DOCK3: variants seen among roughly 807,000 people sequenced by gnomAD.
DOCK3 encodes the protein dedicator of cytokinesis 3.
DOCK3 carries 60 observed loss-of-function variants against 265.6 expected under a neutral mutation model. That is an observed-to-expected ratio of 0.23 (90% CI 0.18 to 0.28). The LOEUF (loss-of-function observed/expected upper bound fraction) is 0.28, where lower values mean the gene tolerates loss of function less well. Among genes scored for constraint, DOCK3 ranks in the 10% least tolerant of loss-of-function variants. The probability of loss-of-function intolerance (pLI) is 1.00; values close to 1 mark genes in which losing one functional copy is unlikely to be tolerated. For missense variants in DOCK3, 1,981 were observed against 2,594.3 expected (o/e 0.76, Z 5.14); for synonymous variants, 881 against 938.0 (o/e 0.94, Z 1.11).
chr3:51,186,394 GCATT>G (rs2087605589), intron 12 of DOCK3, among the ~76,000 whole-genome samples: 1 of 152,146 alleles, frequency 6.6e-6, no homozygotes, highest in South Asian at 2.1e-4. Flanking sequence ...GCTGTTAAAG[GCATT>G]CAGTTTTATA....
At chr3:51,189,356 A>G (rs1576357878) in intron 12 of DOCK3, among the ~76,000 whole-genome samples, 1 of 152,122 alleles carries the variant, frequency 6.6e-6, no homozygotes, top group Non-Finnish European at 1.5e-5. Context: ...TTGTGCACCC[A>G]TCACCCGAGT....
chr3:50,925,824 C>CTTTTTTTTTTTTTTTT lies in DOCK3; in HGVS notation c.219-8148_219-8133dup, dbSNP rs368819970. Among the ~76,000 whole-genome samples, 29 of 88,426 alleles carry CTTTTTTTTTTTTTTTT rather than the reference C, an allele frequency of 3.3e-4. 1 individual carries two copies. The highest frequency in any genetic ancestry group is 1.5e-3 in the African/African-American group (29 of 19,402). The allele number at this position is 88,426 out of a possible 152,430, so 58.0% of individuals were successfully genotyped here. ...TCAGCAGCTACTAGGTAAAACTAGT[C>CTTTTTTTTTTTTTTTT]TTTTTTTTTTTTTTTTTTTTTTTTG... On this transcript the variant is annotated intron_variant, in intron 4 of 52. Coordinates refer to ENST00000266037, the MANE Select transcript of DOCK3 (RefSeq NM_004947.5).
At chr3:50,722,769 G>GTTTTTTTTTTT (rs58505050) in intron 1 of DOCK3, among the ~76,000 whole-genome samples, 1 of 135,110 alleles carries the variant, frequency 7.4e-6, no homozygotes. Context: ...TCTTTTTCTT[G>GTTTTTTTTTTT]TTTTTTTTTT....
At chr3:51,084,137 A>G (rs1401809135) in intron 7 of DOCK3, among the ~76,000 whole-genome samples, 1 of 152,138 alleles carries the variant, frequency 6.6e-6, no homozygotes. Flanking sequence ...TTTCACAAGG[A>G]GAAGGCATGG....
chr3:50,686,780 G>A (rs1409124870), intron 1 of DOCK3, among the ~76,000 whole-genome samples: 3 of 147,926 alleles, frequency 2.0e-5, no homozygotes, highest in African/African-American at 7.5e-5. Context: ...GTGGTGGCAC[G>A]CACCTATAAT....
chr3:50,744,346 C>CA (rs1447296802), intron 1 of DOCK3, among the ~76,000 whole-genome samples: 1 of 151,898 alleles, frequency 6.6e-6, no homozygotes, highest in Admixed American at 6.6e-5. Context: ...ATTTCCAAAT[C>CA]TGATGTCATG....
chr3:50,734,725 C>T (rs1195468508), intron 1 of DOCK3, among the ~76,000 whole-genome samples: 1 of 149,674 alleles, frequency 6.7e-6, no homozygotes, highest in Non-Finnish European at 1.5e-5. Context: ...GTGTCAGCCT[C>T]CCAAGTAGCT....
At chr3:51,208,981 C>T in intron 13 of DOCK3, 119 bp downstream of exon 13, 1 of 822,318 alleles carries the variant, frequency 1.2e-6, no homozygotes, top group East Asian at 2.7e-5. Flanking sequence ...TATTCTCCTG[C>T]CGAGGCATTT....
At chr3:50,737,166 G>C (rs1297588729) in intron 1 of DOCK3, among the ~76,000 whole-genome samples, 4 of 152,126 alleles carry the variant, frequency 2.6e-5, no homozygotes, top group Non-Finnish European at 5.9e-5. Flanking sequence ...TATTCACTCT[G>C]ATGGTAGTTT....
chr3:51,315,201 C>T, intron 32 of DOCK3, 73 bp downstream of exon 32: 1 of 1,467,408 alleles, frequency 6.8e-7, no homozygotes, highest in South Asian at 1.5e-5. Context: ...GCCTAGATGA[C>T]CAAGCCATGA....
chr3:50,904,943 G>A (rs900800851), intron 4 of DOCK3, among the ~76,000 whole-genome samples: 1 of 152,032 alleles, frequency 6.6e-6, no homozygotes, highest in Non-Finnish European at 1.5e-5. Context: ...TTTGTATAAG[G>A]TGTAAGAAAG....
At chr3:50,753,495 A>G (rs1044403069) in intron 1 of DOCK3, among the ~76,000 whole-genome samples, 3 of 152,030 alleles carry the variant, frequency 2.0e-5, no homozygotes, top group Non-Finnish European at 2.9e-5. Context: ...GTGTGCTACC[A>G]TGCTTGGATA....
chr3:51,211,518 A>C (rs1466852685), intron 13 of DOCK3, among the ~76,000 whole-genome samples: 1 of 151,578 alleles, frequency 6.6e-6, no homozygotes, highest in Admixed American at 6.6e-5. Flanking sequence ...CCCTCCCCCA[A>C]CCCCACAGCA....
chr3:51,368,262 C>T lies in DOCK3; in HGVS notation c.5293+5588C>T, dbSNP rs571141488. ...CCCACGGAGCAGGGCGGGGCATTGC[C>T]TCACCCAGGAAATGCAAGGGGTCGG... On this transcript the variant is annotated intron_variant, in intron 49 of 52. Transcript: ENST00000266037. Among the ~76,000 whole-genome samples, 9 of 152,324 alleles carry T rather than the reference C, an allele frequency of 5.9e-5. No homozygotes were observed. In the South Asian group the frequency reaches 1.9e-3, roughly 32 times the overall value.
At chr3:50,894,867 ATTC>A (rs2107763425) in intron 4 of DOCK3, among the ~76,000 whole-genome samples, 1 of 152,252 alleles carries the variant, frequency 6.6e-6, no homozygotes, top group South Asian at 2.1e-4. Flanking sequence ...ATTCTTATAT[ATTC>A]TTCCCATCTG....
At chr3:51,160,515 G>C in intron 11 of DOCK3, 40 bp from the exon 12 acceptor site, 4 of 1,572,420 alleles carry the variant, frequency 2.5e-6, no homozygotes, top group Non-Finnish European at 3.4e-6. Flanking sequence ...AGAGGAGCAT[G>C]CTTTTCTCAG....
chr3:50,724,585 A>C (rs1056457222), intron 1 of DOCK3, among the ~76,000 whole-genome samples: 2 of 152,110 alleles, frequency 1.3e-5, no homozygotes, highest in African/African-American at 4.8e-5. Flanking sequence ...GCAAAGTAAC[A>C]CAGGAAGAGA....
At chr3:50,998,334 C>A (rs377658550) in intron 5 of DOCK3, among the ~76,000 whole-genome samples, 14 of 152,110 alleles carry the variant, frequency 9.2e-5, no homozygotes, top group African/African-American at 3.4e-4. Context: ...AGGCTGCACA[C>A]CAAGTATTTG....
At chr3:51,365,217 G>A (rs776196772) in intron 49 of DOCK3, among the ~76,000 whole-genome samples, 4 of 152,112 alleles carry the variant, frequency 2.6e-5, no homozygotes, top group Non-Finnish European at 4.4e-5. Flanking sequence ...TTATTAGTTG[G>A]ATTCCTAGGT....
Sources: gnomAD v4.1 joint callset for allele counts (sites outside exome capture counted in the v4.1 genomes callset) on GRCh38, gnomAD v4.1.1 for gene constraint, MANE v1.5 for transcripts, NCBI Gene and HGNC (gene_info 2026-07-23, HGNC 2026-07-21) for gene names.